The following CAST variants were observed in gnomAD, a reference collection of about 807,000 sequenced individuals.
The protein encoded by CAST is calpastatin.
Under a neutral mutation model 119.6 loss-of-function variants are expected in CAST, and 76 were observed. That is an observed-to-expected ratio of 0.64 (90% CI 0.53 to 0.77). CAST has a LOEUF of 0.77. CAST is among the 30% of genes least tolerant of loss of function. CAST has a pLI of 0.00. For missense variants in CAST, 953 were observed against 946.5 expected (o/e 1.01, Z -0.09); for synonymous variants, 319 against 331.6 (o/e 0.96, Z 0.41).
the CAST span, among the ~76,000 whole-genome samples, chr5:96,388,137 C>T: frequency 6.6e-5 from 10 of 152,288 alleles, no homozygotes; most frequent in South Asian, 6.2e-4. Flanking sequence ...TAGAGAGAAC[C>T]GGTATAGAAA....
the CAST span, among the ~76,000 whole-genome samples, chr5:96,043,446 T>G: frequency 2.6e-5 from 4 of 152,252 alleles, no homozygotes; most frequent in Admixed American, 6.5e-5. Flanking sequence ...AATGGGACCC[T>G]TTTGGTTGCA....
the CAST span, among the ~76,000 whole-genome samples, chr5:96,068,562 G>A: frequency 8.3e-3 from 1,242 of 149,964 alleles, 18 homozygotes; most frequent in African/African-American, 0.029. Flanking sequence ...TATTAGTCAG[G>A]GTTCTTCAGA....
the CAST span, among the ~76,000 whole-genome samples, chr5:96,212,722 T>C: frequency 1.3e-5 from 2 of 152,214 alleles, no homozygotes; most frequent in Non-Finnish European, 2.9e-5. Flanking sequence ...ATTTCTCTTT[T>C]CAGTTTCACC....
chr5:96,222,900 A>G, the CAST span, among the ~76,000 whole-genome samples: 14 of 152,204 alleles, frequency 9.2e-5, no homozygotes, highest in Non-Finnish European at 2.1e-4. Context: ...TACATGGTAT[A>G]TATACATAAT....
the CAST span, among the ~76,000 whole-genome samples, chr5:96,002,662 A>G: frequency 3.3e-5 from 5 of 152,256 alleles, no homozygotes; most frequent in African/African-American, 1.2e-4. Flanking sequence ...TCTGACTGAG[A>G]AACTCTCCAT....
chr5:96,100,696 T>C, the CAST span, among the ~76,000 whole-genome samples: 2 of 152,144 alleles, frequency 1.3e-5, no homozygotes, highest in Non-Finnish European at 2.9e-5. Flanking sequence ...GGCAAAGAAG[T>C]ATAGTAATCC....
At chr5:96,268,390 T>C in the CAST span, among the ~76,000 whole-genome samples, 2 of 152,068 alleles carry the variant, frequency 1.3e-5, no homozygotes, top group African/African-American at 2.4e-5. Context: ...CTGGGCAACA[T>C]AGCAAAACCC....
At chr5:96,585,956 A>C (rs928200926) in intron 1 of CAST, among the ~76,000 whole-genome samples, 2 of 152,238 alleles carry the variant, frequency 1.3e-5, no homozygotes, top group Admixed American at 1.3e-4. Context: ...AACGATTGTA[A>C]TATCTTTCCA....
At chr5:96,605,909 C>A (rs1747243762) in intron 1 of CAST, among the ~76,000 whole-genome samples, 1 of 152,190 alleles carries the variant, frequency 6.6e-6, no homozygotes, top group African/African-American at 2.4e-5. Context: ...TCAAGATTTC[C>A]CCACCTGTTA....
chr5:96,206,458 T>A, the CAST span, among the ~76,000 whole-genome samples: 1 of 152,168 alleles, frequency 6.6e-6, no homozygotes, highest in South Asian at 2.1e-4. Context: ...AAGTCTTTAA[T>A]CCTTCTTGAG....
chr5:96,135,571 C>G, the CAST span, among the ~76,000 whole-genome samples: 1 of 152,064 alleles, frequency 6.6e-6, no homozygotes, highest in Non-Finnish European at 1.5e-5. Context: ...ATTTCTAACT[C>G]TTAAGATCTA....
the CAST span, among the ~76,000 whole-genome samples, chr5:96,106,510 A>G: frequency 6.6e-6 from 1 of 151,744 alleles, no homozygotes; most frequent in South Asian, 2.1e-4. Flanking sequence ...CAGGTTGTTC[A>G]GTTTCCATGT....
chr5:96,742,845 C>A (rs1561561512), intron 16 of CAST, 89 bp downstream of exon 16: 5 of 904,610 alleles, frequency 5.5e-6, no homozygotes, highest in African/African-American at 3.3e-5. Context: ...TCTCGCACAA[C>A]TTTTATTGGA....
chr5:96,672,944 C>G (rs1450853076), intron 1 of CAST, among the ~76,000 whole-genome samples: 2 of 152,076 alleles, frequency 1.3e-5, no homozygotes, highest in African/African-American at 4.8e-5. Context: ...GCTGTACATG[C>G]ATTTACTGTG....
chr5:96,445,779 A>G, the CAST span, among the ~76,000 whole-genome samples: 20 of 152,226 alleles, frequency 1.3e-4, no homozygotes, highest in Non-Finnish European at 2.6e-4. Context: ...CCCAATGTCC[A>G]TCCCATGGTA....
the CAST span, among the ~76,000 whole-genome samples, chr5:96,158,258 G>A: frequency 6.6e-6 from 1 of 152,302 alleles, no homozygotes; most frequent in South Asian, 2.1e-4. Context: ...TAATTTGTAA[G>A]CACAGACTAA....
At chr5:96,195,656 T>A in the CAST span, among the ~76,000 whole-genome samples, 20,386 of 152,194 alleles carry the variant, frequency 0.13, 1,903 homozygotes, top group African/African-American at 0.25. Flanking sequence ...CAAAAGCATT[T>A]GATTGTTATG....
chr5:96,493,581 C>T, the CAST span, among the ~76,000 whole-genome samples: 3 of 152,184 alleles, frequency 2.0e-5, no homozygotes, highest in Non-Finnish European at 4.4e-5. Flanking sequence ...GCTGGGTGTA[C>T]TGTGAGACTC....
At chr5:96,432,984 C>T in the CAST span, 1 of 1,614,144 alleles carries the variant, frequency 6.2e-7, no homozygotes. Flanking sequence ...GTTCAGTGCA[C>T]ACCAAGCGCA....
Sources: gnomAD v4.1 joint callset for allele counts (sites outside exome capture counted in the v4.1 genomes callset) on GRCh38, gnomAD v4.1.1 for gene constraint, MANE v1.5 for transcripts, NCBI Gene and HGNC (gene_info 2026-07-23, HGNC 2026-07-21) for gene names.